Variants in RCAN2 observed in about 807,000 individuals in gnomAD.
The protein encoded by RCAN2 is calcipressin-2.
RCAN2 carries 9 observed loss-of-function variants against 23.6 expected under a neutral mutation model. The ratio of observed to expected loss-of-function variants is 0.38; its 90% CI spans 0.23 to 0.67. RCAN2 has a LOEUF of 0.67. Ranked by LOEUF, RCAN2 falls within the 30% of genes least tolerant of loss-of-function variation. RCAN2 has a pLI of 0.51. For missense variants in RCAN2, 273 were observed against 302.3 expected (o/e 0.90, Z 0.72); for synonymous variants, 109 against 115.7 (o/e 0.94, Z 0.37).
intron 4 of RCAN2, among the ~76,000 whole-genome samples, chr6:46,225,533 G>A (rs1765633019): frequency 6.6e-6 from 1 of 152,222 alleles, no homozygotes; most frequent in Non-Finnish European, 1.5e-5. Flanking sequence ...CTGATGGCCA[G>A]TGATGATGAG....
intron 2 of RCAN2, among the ~76,000 whole-genome samples, chr6:46,267,599 C>T (rs769230385): frequency 6.6e-6 from 1 of 152,076 alleles, no homozygotes; most frequent in Non-Finnish European, 1.5e-5. Flanking sequence ...GTGGGAGGAT[C>T]ATTTGAGCCT....
chr6:46,488,227 G>A (rs975960954), intron 1 of RCAN2, among the ~76,000 whole-genome samples: 3 of 152,192 alleles, frequency 2.0e-5, no homozygotes, highest in Non-Finnish European at 2.9e-5. Context: ...AATTCTAGGT[G>A]CACGTCTTAC....
chr6:46,490,782 T>C (rs1186080446), intron 1 of RCAN2, among the ~76,000 whole-genome samples: 1 of 132,638 alleles, frequency 7.5e-6, no homozygotes, highest in Admixed American at 7.5e-5. Flanking sequence ...TTCTAGACCC[T>C]CTCTAAGCCT....
At chr6:46,431,119 G>A (rs996020565) in intron 2 of RCAN2, among the ~76,000 whole-genome samples, 2 of 151,908 alleles carry the variant, frequency 1.3e-5, no homozygotes, top group African/African-American at 2.4e-5. Flanking sequence ...CCAGCATTGT[G>A]TGTGCATGCA....
rs895459695 is a variant in RCAN2 at position 46,396,483 on chromosome 6, G to T, written c.225+60269C>A. Among the ~76,000 whole-genome samples the T allele has an allele frequency of 5.3e-5, 8 of 152,206 alleles. No homozygotes were observed. The East Asian group carries it at 7.7e-4, about 15-fold the overall frequency. The stretch of plus-strand genomic sequence containing the variant: ...AGACCCGTATTTGACCCTACCATTC[G>T]CTGGCACTGTGCTAGGGTTAAGCAG... On this transcript the variant is annotated intron_variant, in intron 2 of 4. Transcript: ENST00000371374.
intron 2 of RCAN2, among the ~76,000 whole-genome samples, chr6:46,452,152 G>A (rs1377052950): frequency 6.6e-6 from 1 of 152,098 alleles, no homozygotes; most frequent in African/African-American, 2.4e-5. Flanking sequence ...CTGTATATCA[G>A]GAGGCAGTAG....
chr6:46,243,297 A>G (rs1561823491), intron 4 of RCAN2, among the ~76,000 whole-genome samples: 1 of 152,184 alleles, frequency 6.6e-6, no homozygotes. Flanking sequence ...GGATAACCAA[A>G]TAAAGACAAA....
chr6:46,391,936 A>G (rs950712982), intron 2 of RCAN2, among the ~76,000 whole-genome samples: 7 of 152,194 alleles, frequency 4.6e-5, no homozygotes, highest in African/African-American at 1.7e-4. Context: ...ATCAAGGTTT[A>G]CAAAGCTGTC....
chr6:46,350,393 C>T (rs2150377828), intron 2 of RCAN2, among the ~76,000 whole-genome samples: 1 of 152,202 alleles, frequency 6.6e-6, no homozygotes, highest in East Asian at 1.9e-4. Flanking sequence ...TAGAGGTGTC[C>T]AGAGAGTAGC....
intron 2 of RCAN2, among the ~76,000 whole-genome samples, chr6:46,380,196 C>T (rs1765582020): frequency 6.6e-6 from 1 of 152,282 alleles, no homozygotes; most frequent in South Asian, 2.1e-4. Context: ...ACACACCCCC[C>T]TCAGAAAGGT....
intron 2 of RCAN2, among the ~76,000 whole-genome samples, chr6:46,343,488 G>A (rs1320379707): frequency 6.7e-6 from 1 of 149,868 alleles, no homozygotes; most frequent in Admixed American, 6.8e-5. Context: ...CCATTCTCCT[G>A]CCTCAGCCTC....
chr6:46,270,983 T>A (rs1027307636), intron 2 of RCAN2, among the ~76,000 whole-genome samples: 2 of 152,198 alleles, frequency 1.3e-5, no homozygotes, highest in Non-Finnish European at 2.9e-5. Context: ...GTCCCTGAGC[T>A]AAAGACCCAA....
intron 1 of RCAN2, among the ~76,000 whole-genome samples, chr6:46,474,694 C>T (rs1392213069): frequency 6.6e-6 from 1 of 152,158 alleles, no homozygotes; most frequent in Non-Finnish European, 1.5e-5. Flanking sequence ...GGAATCATTG[C>T]TATGTGAAAG....
intron 1 of RCAN2, among the ~76,000 whole-genome samples, chr6:46,468,365 A>G (rs1582227157): frequency 6.6e-6 from 1 of 152,116 alleles, no homozygotes; most frequent in Non-Finnish European, 1.5e-5. Context: ...CCCTGCTTCA[A>G]TCTTATAGTC....
At chr6:46,259,585 A>G (rs1258109158) in intron 2 of RCAN2, among the ~76,000 whole-genome samples, 1 of 152,216 alleles carries the variant, frequency 6.6e-6, no homozygotes, top group Non-Finnish European at 1.5e-5. Flanking sequence ...TTTTTCTCAC[A>G]GCAAGCAATT....
chr6:46,272,698 A>T (rs555799413), intron 2 of RCAN2, among the ~76,000 whole-genome samples: 1 of 152,350 alleles, frequency 6.6e-6, no homozygotes, highest in East Asian at 1.9e-4. Context: ...TTCTGTAAAC[A>T]TGTAATGTTT....
intron 2 of RCAN2, among the ~76,000 whole-genome samples, chr6:46,359,293 G>A (rs1040117962): frequency 2.0e-5 from 3 of 152,178 alleles, no homozygotes; most frequent in African/African-American, 7.2e-5. Context: ...TAGTAGCACA[G>A]GGCTGTAATT....
chr6:46,431,475 T>C (rs1210264134), intron 2 of RCAN2, among the ~76,000 whole-genome samples: 1 of 152,166 alleles, frequency 6.6e-6, no homozygotes, highest in Admixed American at 6.5e-5. Context: ...GGAAAAACAA[T>C]AGAAGTCCGC....
rs76015966 is a variant in RCAN2 at position 46,322,884 on chromosome 6, T to C, written c.226-73988A>G. On this transcript the variant is annotated intron_variant, in intron 2 of 4. Transcript: ENST00000371374. ...TTTGAACCTTTCTTCGTGATAAGAG[T>C]AATGGTCAGTTTTGAACAAGGAGCG... Among the ~76,000 whole-genome samples the C allele has an allele frequency of 2.9e-3, 443 of 152,312 alleles. 4 individuals are homozygous for C. Among genetic ancestry groups the C allele is most frequent in the African/African-American group, 0.01 (419 of 41,562 alleles).
Sources: allele counts gnomAD v4.1 joint callset (sites outside exome capture counted in the v4.1 genomes callset), GRCh38; gene constraint gnomAD v4.1.1; transcripts MANE v1.5; gene names NCBI Gene and HGNC (gene_info 2026-07-23, HGNC 2026-07-21).